VCAM1: variants seen among roughly 807,000 people sequenced by gnomAD.
VCAM1 encodes the protein vascular cell adhesion molecule 1.
A neutral mutation model predicts 63.8 loss-of-function variants in VCAM1; 41 were observed. The ratio of observed to expected loss-of-function variants is 0.64; its 90% CI spans 0.50 to 0.83. The LOEUF is 0.83. VCAM1 is among the 40% of genes least tolerant of loss of function. The pLI is 0.00. For synonymous variants in VCAM1, 338 were observed against 320.7 expected (o/e 1.05, Z -0.58); for missense variants, 798 against 875.5 (o/e 0.91, Z 1.12).
At chr1:100,725,774 T>A (rs145566664) in intron 4 of VCAM1, among the ~76,000 whole-genome samples, 79 of 152,156 alleles carry the variant, frequency 5.2e-4, no homozygotes, top group South Asian at 2.1e-3. Flanking sequence ...ATTTCTTTTT[T>A]AAAATATTTT....
chr1:100,726,462 G>T (rs1660165849), intron 4 of VCAM1, among the ~76,000 whole-genome samples: 1 of 152,134 alleles, frequency 6.6e-6, no homozygotes, highest in Admixed American at 6.6e-5. Flanking sequence ...TTGCAGATCT[G>T]TTGATGACTC....
At chr1:100,725,870 TCAA>T (rs1347693524) in intron 4 of VCAM1, among the ~76,000 whole-genome samples, 2 of 152,088 alleles carry the variant, frequency 1.3e-5, no homozygotes, top group Non-Finnish European at 2.9e-5. Context: ...TTAAGTCAAG[TCAA>T]CAAATCCATT....
In VCAM1 at chr1:100,724,821, G is replaced by A. The variant is rs758837624; in HGVS notation, c.859G>A (p.Gly287Arg). ...TLIAMRMEDS[G>R]IYVCEGVNLI... ...AATTGCTATGAGGATGGAAGATTCT[G>A]GAATTTATGTGTGTGAAGGAGTTAA... is the stretch of plus-strand genomic sequence containing the variant. Residue 287 changes from glycine to arginine, a missense_variant, in exon 4 of 9, where the codon GGA becomes AGA. Transcript: ENST00000294728. 2 of 1,612,908 alleles carry A rather than the reference G, an allele frequency of 1.2e-6. No individual in the cohort carries two copies. The highest frequency in any genetic ancestry group is 8.5e-7 in the Non-Finnish European group (1 of 1,179,382).
intron 4 of VCAM1, among the ~76,000 whole-genome samples, chr1:100,726,379 A>G (rs1361751616): frequency 6.6e-6 from 1 of 152,082 alleles, no homozygotes; most frequent in Non-Finnish European, 1.5e-5. Context: ...AAAGGTGCTC[A>G]TTTTCTATAA....
chr1:100,723,289 A>G lies in VCAM1; in HGVS notation c.610A>G (p.Met204Val), dbSNP rs1660028947. The stretch of plus-strand genomic sequence containing the variant: ...CCGAGCTAAATTACACATTGATGAA[A>G]TGGATTCTGTGCCCACAGTAAGGCA... ...VCRAKLHIDE[M>V]DSVPTVRQAV... Residue 204 changes from methionine (M) to valine (V), a missense_variant, in exon 3 of 9, where the codon ATG becomes GTG. Transcript: ENST00000294728. The G allele has an allele frequency of 1.9e-6, 3 of 1,612,976 alleles. No individual in the cohort carries two copies. Among genetic ancestry groups the G allele is most frequent in the Admixed American group, 3.3e-5 (2 of 59,878 alleles).
chr1:100,734,371 C>T, intron 7 of VCAM1, 131 bp from the exon 8 acceptor site: 1 of 968,048 alleles, frequency 1.0e-6, no homozygotes, highest in Admixed American at 2.8e-5. Flanking sequence ...TCTTTACTTG[C>T]CCTTCTTAAC....
Position 100,720,859 on chromosome 1 carries a change from C to T in VCAM1, c.340+108C>T, listed in dbSNP as rs137889514. On this transcript the variant is annotated intron_variant, in intron 2 of 8. Coordinates refer to ENST00000294728, the MANE Select transcript of VCAM1 (RefSeq NM_001078.4). ...TAAAATGGATATTCATGTACAGATTCTTGGCTAAAGAACATACAACATCAG... is the reference window on the plus strand; with the variant it reads ...TAAAATGGATATTCATGTACAGATTTTTGGCTAAAGAACATACAACATCAG... 3.1e-6 allele frequency: 4 copies of T among 1,309,518 alleles called. No homozygotes were observed. In the African/African-American group the frequency reaches 6.0e-5, roughly 20 times the overall value. The allele number at this position is 1,309,518 out of a possible 1,614,324, so 81.1% of individuals were successfully genotyped here. A position where few individuals can be genotyped will look rare whatever the true frequency, so the allele number is the denominator to read the frequency against.
rs1660024721 is a variant in VCAM1, at chr1:100,723,204, C to T, written c.525C>T (p.Thr175=). The T allele has an allele frequency of 1.9e-6, 3 of 1,612,976 alleles. No individual in the cohort carries two copies. Among genetic ancestry groups the T allele is most frequent in the South Asian group, 1.1e-5 (1 of 91,062 alleles). Residue 175 remains threonine, a synonymous_variant, in exon 3 of 9, where the codon ACC becomes ACT. Transcript: ENST00000294728. The part of the protein sequence containing the change: ...LEDADRKSLE[T]KSLEVTFTPV... The stretch of plus-strand genomic sequence containing the variant: ...ATGCAGACAGGAAGTCCCTGGAAAC[C>T]AAGAGTTTGGAAGTAACCTTTACTC...
In VCAM1 at chr1:100,720,348, C is replaced by A; in HGVS notation, c.65-128C>A. ...ACTTCGGTGCTTTTTGGCTACCTTG[C>A]AGTTAGTTTGAAGCAGCTTAGGAAA... On this transcript the variant is annotated intron_variant, in intron 1 of 8. Transcript: ENST00000294728. 6.3e-6 allele frequency: 8 copies of A among 1,267,666 alleles called. No homozygotes were observed. In the Admixed American group the frequency reaches 7.5e-5, roughly 12 times the overall value. 78.5% of individuals were successfully genotyped at this position (1,267,666 alleles called of 1,614,324 possible). A position where few individuals can be genotyped will look rare whatever the true frequency, so the allele number is the denominator to read the frequency against.
Position 100,729,147 on chromosome 1 carries a change from T to C in VCAM1, c.969T>C (p.Ile323=), listed in dbSNP as rs763381598. Residue 323 remains isoleucine, a synonymous_variant, in exon 5 of 9, where the codon ATT becomes ATC. Transcript: ENST00000294728. ...FTVEISPGPR[I]AAQIGDSVML... ...TTGAGATCTCCCCTGGACCCCGGAT[T>C]GCTGCTCAGATTGGAGACTCAGTCA... 6.2e-7 allele frequency: 1 copy of C among 1,609,850 alleles called. No individual in the cohort carries two copies. The highest frequency in any genetic ancestry group is 1.7e-5 in the Admixed American group (1 of 59,772).
At chr1:100,730,013 A>G (rs1401309412) in intron 5 of VCAM1, among the ~76,000 whole-genome samples, 3 of 152,142 alleles carry the variant, frequency 2.0e-5, no homozygotes, top group Admixed American at 1.3e-4. Flanking sequence ...TCAAATCTCT[A>G]TGAACTTGAC....
chr1:100,720,331 G>T, intron 1 of VCAM1, 145 bp from the exon 2 acceptor site: 1 of 1,124,840 alleles, frequency 8.9e-7, no homozygotes. Context: ...TGACTTCGGT[G>T]CTTTTTGGCT....
In VCAM1 at chr1:100,731,397, G is replaced by T. The variant is rs1193125336; in HGVS notation, c.1404G>T (p.Met468Ile). The change falls in exon 6 of 9, where the codon ATG becomes ATT. Residue 468 changes from methionine (M) to isoleucine (I), a missense_variant. Coordinates refer to ENST00000294728, the MANE Select transcript of VCAM1 (RefSeq NM_001078.4). This position sits in a 1 kb window ranked among gnomAD's most constrained non-coding sequence, Gnocchi z 4.2. The part of the protein sequence containing the change: ...MKSLENKSLE[M>I]TFIPTIEDTG... Reference sequence around the variant, plus strand: ...CTCTAGAGAACAAAAGTTTGGAAATGACCTTCATCCCTACCATTGAAGATA... The same window carrying T: ...CTCTAGAGAACAAAAGTTTGGAAATTACCTTCATCCCTACCATTGAAGATA... 1 of 1,613,638 alleles carries T rather than the reference G, an allele frequency of 6.2e-7. No individual in the cohort carries two copies. Among genetic ancestry groups the T allele is most frequent in the Non-Finnish European group, 8.5e-7 (1 of 1,179,846 alleles).
chr1:100,730,259 T>A (rs1660393749), intron 5 of VCAM1, among the ~76,000 whole-genome samples: 1 of 152,136 alleles, frequency 6.6e-6, no homozygotes, highest in Non-Finnish European at 1.5e-5. Context: ...CAAAGAAAGA[T>A]AAATTTTATT....
chr1:100,729,333 G>A lies in VCAM1; in HGVS notation c.1155G>A (p.Val385=), dbSNP rs1660345925. ...ACGAACACTCTTATCTGTGCACAGT[G>A]ACTTGTGGACATAAGAAACTGGAAA... ...FENEHSYLCT[V]TCGHKKLEKG... The change falls in exon 5 of 9, where the codon GTG becomes GTA. Residue 385 remains valine (V), a synonymous_variant. Transcript: ENST00000294728. The A allele has an allele frequency of 6.2e-7, 1 of 1,611,662 alleles. No individual in the cohort carries two copies. The highest frequency in any genetic ancestry group is 2.2e-5 in the East Asian group (1 of 44,812).
rs1557902874 is a variant in VCAM1, at chr1:100,724,868, A to G, written c.906A>G (p.Lys302=). Residue 302 remains lysine (K), a synonymous_variant, in exon 4 of 9, where the codon AAA becomes AAG. Coordinates refer to ENST00000294728, the MANE Select transcript of VCAM1 (RefSeq NM_001078.4). ...TTAATTTGATTGGGAAAAACAGAAA[A>G]GAGGTGGAATTAATTGTTCAAGGTG... The part of the protein sequence containing the change: ...EGVNLIGKNR[K]EVELIVQEKP... 5.6e-6 allele frequency: 9 copies of G among 1,612,644 alleles called. No individual in the cohort carries two copies. The highest frequency in any genetic ancestry group is 7.6e-6 in the Non-Finnish European group (9 of 1,179,140).
At position 100,731,839 on chromosome 1, in the gene VCAM1, C is replaced by A. The variant is rs1272071477; in HGVS notation, c.1525+321C>A. On this transcript the variant is annotated intron_variant, in intron 6 of 8. Transcript: ENST00000294728. The surrounding 1 kb of genome is among the most constrained non-coding windows in gnomAD (Gnocchi z 4.2). ...GGCTGGCTGGTCTCAGATGACTTCA[C>A]CCACATGTCTGGAGCCATATCTTGG... 6.6e-6 allele frequency among the ~76,000 whole-genome samples: 1 copy of A among 152,158 alleles called. No individual in the cohort carries two copies. Among genetic ancestry groups the A allele is most frequent in the Non-Finnish European group, 1.5e-5 (1 of 68,034 alleles).
rs374334841 is a variant in VCAM1, at chr1:100,735,538, C to T, written c.2059+770C>T. 3.3e-5 allele frequency: 5 copies of T among 152,328 alleles called. No homozygotes were observed. The East Asian group carries it at 5.8e-4, about 18-fold the overall frequency. The allele number at this position is 152,328 out of a possible 1,614,324, so 9.4% of individuals were successfully genotyped here. On this transcript the variant is annotated intron_variant, in intron 8 of 8. Coordinates refer to ENST00000294728, the MANE Select transcript of VCAM1 (RefSeq NM_001078.4). ...TGGCGGTGGAGTGCAAACAGGACTG[C>T]AAACAAATGCCAAGTCTTAAGAGGT...
chr1:100,734,937 AG>A (rs1313517939), intron 8 of VCAM1, among the ~76,000 whole-genome samples, 169 bp downstream of exon 8: 18 of 152,348 alleles, frequency 1.2e-4, no homozygotes, highest in Admixed American at 1.0e-3. Flanking sequence ...AAGTTTAGCC[AG>A]GAAGTTGACA....
Sources: gnomAD v4.1 joint callset for allele counts (sites outside exome capture counted in the v4.1 genomes callset) on GRCh38, gnomAD v4.1.1 for gene constraint, Gnocchi (gnomAD v3.1) non-coding constraint, MANE v1.5 for transcripts, NCBI Gene and HGNC (gene_info 2026-07-23, HGNC 2026-07-21) for gene names.